Variants in TAF3 observed in about 807,000 individuals in gnomAD.
The protein encoded by TAF3 is TATA-box binding protein associated factor 3, also known as transcription initiation factor TFIID subunit 3.
In TAF3, 7 loss-of-function variants were observed where a neutral mutation model predicts 80.6. The ratio of observed to expected loss-of-function variants is 0.09; its 90% CI spans 0.05 to 0.16. TAF3 has a LOEUF of 0.16. Ranked by LOEUF, TAF3 falls within the 10% of genes least tolerant of loss-of-function variation. The pLI, the probability that TAF3 is intolerant of heterozygous loss-of-function variation, is 1.00. For synonymous variants in TAF3, 444 were observed against 446.1 expected (o/e 1.00, Z 0.06); for missense variants, 921 against 1,140.2 (o/e 0.81, Z 2.77).
intron 2 of TAF3, among the ~76,000 whole-genome samples, chr10:7,874,685 T>C (rs575873105): frequency 1.1e-4 from 16 of 144,924 alleles, no homozygotes; most frequent in Middle Eastern, 3.8e-3. Flanking sequence ...CTAACAGATA[T>C]GTTTTGTCTT....
At chr10:7,856,858 CAAAAAA>C (rs57207229) in intron 2 of TAF3, among the ~76,000 whole-genome samples, 11 of 91,146 alleles carry the variant, frequency 1.2e-4, no homozygotes, top group African/African-American at 3.7e-4. Flanking sequence ...AGCTGGTTCT[CAAAAAA>C]AAAAAAAAAA....
intron 2 of TAF3, among the ~76,000 whole-genome samples, chr10:7,958,952 G>C (rs941908112): frequency 2.0e-5 from 3 of 152,104 alleles, no homozygotes; most frequent in African/African-American, 7.2e-5. Context: ...GGCTAACATG[G>C]TAAAACCCCG....
intron 2 of TAF3, among the ~76,000 whole-genome samples, chr10:7,898,536 ACT>A (rs1373059487): frequency 4.0e-5 from 5 of 123,794 alleles, no homozygotes; most frequent in South Asian, 2.8e-4. Flanking sequence ...ACAGAACAAG[ACT>A]CTGTCTCAAA....
At chr10:7,822,305 G>A (rs1360986413) in intron 1 of TAF3, among the ~76,000 whole-genome samples, 1 of 151,732 alleles carries the variant, frequency 6.6e-6, no homozygotes, top group Non-Finnish European at 1.5e-5. Flanking sequence ...ACCAGGTTTT[G>A]GTTTGAGGCT....
intron 2 of TAF3, among the ~76,000 whole-genome samples, chr10:7,848,748 G>A (rs1296780319): frequency 6.6e-6 from 1 of 152,110 alleles, no homozygotes; most frequent in Non-Finnish European, 1.5e-5. Context: ...AAAGAAAAAT[G>A]CTCTGGAAAA....
rs368511709 is a variant in TAF3 at position 7,961,825 on chromosome 10, C to T, written c.410-2095C>T. 5.9e-5 allele frequency among the ~76,000 whole-genome samples: 9 copies of T among 152,226 alleles called. No homozygotes were observed. The East Asian group carries it at 1.5e-3, about 26-fold the overall frequency. ...TTTCTGTTCATCACTACATTTATCA[C>T]TCACCAAGGCTCAAAGCTTTCTTTC... On this transcript the variant is annotated intron_variant, in intron 2 of 6. Transcript: ENST00000344293.
chr10:7,898,493 C>T (rs922647197), intron 2 of TAF3, among the ~76,000 whole-genome samples: 4 of 149,596 alleles, frequency 2.7e-5, no homozygotes, highest in African/African-American at 9.9e-5. Flanking sequence ...TTGCAGTGAG[C>T]CTAGATCACG....
intron 1 of TAF3, among the ~76,000 whole-genome samples, chr10:7,823,778 G>A (rs545370156): frequency 3.9e-5 from 6 of 152,156 alleles, no homozygotes; most frequent in Admixed American, 3.9e-4. Context: ...GGGATTACAG[G>A]CCTGCGCCAC....
At chr10:7,882,243 A>G (rs1364772306) in intron 2 of TAF3, among the ~76,000 whole-genome samples, 1 of 152,216 alleles carries the variant, frequency 6.6e-6, no homozygotes, top group Non-Finnish European at 1.5e-5. Flanking sequence ...CATCAATCTT[A>G]GCATGTTAGA....
At chr10:7,821,188 T>C (rs1038241956) in intron 1 of TAF3, among the ~76,000 whole-genome samples, 11 of 150,398 alleles carry the variant, frequency 7.3e-5, no homozygotes, top group African/African-American at 2.7e-4. Flanking sequence ...GAGAATGAGA[T>C]TGTCAGGTTC....
At chr10:7,864,309 A>G (rs7076085) in intron 2 of TAF3, among the ~76,000 whole-genome samples, 7,972 of 152,216 alleles carry the variant, frequency 0.052, 294 homozygotes, top group Middle Eastern at 0.13. Flanking sequence ...TTTTTCAGAA[A>G]TTAATTGACA....
At chr10:7,947,396 C>T (rs1838035853) in intron 2 of TAF3, among the ~76,000 whole-genome samples, 1 of 152,232 alleles carries the variant, frequency 6.6e-6, no homozygotes, top group South Asian at 2.1e-4. Context: ...TTCCTTCCAG[C>T]ATGAAGCTTA....
chr10:8,006,007 A>G (rs1321471851), intron 4 of TAF3, among the ~76,000 whole-genome samples: 3 of 152,154 alleles, frequency 2.0e-5, no homozygotes, highest in Admixed American at 6.6e-5. Context: ...AAAAAGCAGA[A>G]TAATAGCTTG....
Position 7,983,485 on chromosome 10 carries a change from T to C in TAF3, c.2315+6162T>C, listed in dbSNP as rs373931109. On this transcript the variant is annotated intron_variant, in intron 4 of 6. Coordinates refer to ENST00000344293, the MANE Select transcript of TAF3 (RefSeq NM_031923.4). ...TAACGTTTGGGAACATTTCAGAACG[T>C]CATCCTGTCAGACTTGGAAGGCCTT... Among the ~76,000 whole-genome samples the C allele has an allele frequency of 7.5e-4, 115 of 152,358 alleles. 2 individuals carry two copies. The highest frequency in any genetic ancestry group is 2.5e-3 in the African/African-American group (104 of 41,582).
intron 1 of TAF3, among the ~76,000 whole-genome samples, chr10:7,823,242 C>T (rs1836707072): frequency 6.6e-6 from 1 of 151,950 alleles, no homozygotes; most frequent in African/African-American, 2.4e-5. Flanking sequence ...GTGCCAGCCA[C>T]TGTTTAAGAT....
At chr10:7,981,989 G>A (rs1831730218) in intron 4 of TAF3, among the ~76,000 whole-genome samples, 1 of 151,890 alleles carries the variant, frequency 6.6e-6, no homozygotes, top group African/African-American at 2.4e-5. Flanking sequence ...AATAATCATG[G>A]GCAGTTACAA....
At chr10:8,001,243 T>C (rs999435583) in intron 4 of TAF3, among the ~76,000 whole-genome samples, 2 of 152,212 alleles carry the variant, frequency 1.3e-5, no homozygotes, top group Non-Finnish European at 2.9e-5. Flanking sequence ...TTCCAAATAC[T>C]GGACCAACCA....
intron 2 of TAF3, among the ~76,000 whole-genome samples, chr10:7,918,496 TCAGTCTGTGG>T (rs999358058): frequency 6.6e-6 from 1 of 152,086 alleles, no homozygotes; most frequent in African/African-American, 2.4e-5. Flanking sequence ...TAGTTCAAGT[TCAGTCTGTGG>T]CACAGCTAGG....
chr10:7,866,078 CACTT>C (rs1159339996), intron 2 of TAF3, among the ~76,000 whole-genome samples: 1 of 152,196 alleles, frequency 6.6e-6, no homozygotes, highest in African/African-American at 2.4e-5. Context: ...ATAAAGGAAA[CACTT>C]AATAGCAGTT....
Sources: gnomAD v4.1 joint callset for allele counts (sites outside exome capture counted in the v4.1 genomes callset) on GRCh38, gnomAD v4.1.1 for gene constraint, MANE v1.5 for transcripts, NCBI Gene and HGNC (gene_info 2026-07-23, HGNC 2026-07-21) for gene names.